Variants in CYB5D2 observed in about 807,000 individuals in gnomAD.
CYB5D2 encodes the protein cytochrome b5 domain containing 2, also known as neuferricin.
CYB5D2 carries 23 observed loss-of-function variants against 22.8 expected under a neutral mutation model. The ratio of observed to expected loss-of-function variants is 1.01; its 90% CI spans 0.73 to 1.43. The LOEUF (loss-of-function observed/expected upper bound fraction) is 1.43, where lower values mean the gene tolerates loss of function less well. CYB5D2 is among the 40% of genes most tolerant of loss of function. CYB5D2 has a pLI of 0.00. For missense variants in CYB5D2, 373 were observed against 357.2 expected, an observed-to-expected ratio of 1.04 and a Z score of -0.36; for synonymous variants, 170 against 152.2, an observed-to-expected ratio of 1.12 and a Z score of -0.86.
At chr17:4,149,674 C>T (rs566843776) in intron 1 of CYB5D2, among the ~76,000 whole-genome samples, 7 of 152,166 alleles carry the variant, frequency 4.6e-5, no homozygotes, top group Non-Finnish European at 5.9e-5. Flanking sequence ...TGGCGGGCGC[C>T]TGTAATCCCC....
chr17:4,150,134 G>A, intron 2 of CYB5D2, 103 bp downstream of exon 2: 2 of 1,429,818 alleles, frequency 1.4e-6, no homozygotes, highest in Non-Finnish European at 1.9e-6. Flanking sequence ...CTGAAAAACA[G>A]CCATGGATTT....
At chr17:4,150,081 T>TTTA in intron 2 of CYB5D2, 50 bp downstream of exon 2, 1 of 1,603,886 alleles carries the variant, frequency 6.2e-7, no homozygotes, top group East Asian at 2.2e-5. Flanking sequence ...GCAGTGTTTT[T>TTTA]AGGGGGCTGA....
chr17:4,143,886 C>G lies in CYB5D2; in HGVS notation c.131C>G (p.Ser44Cys). ...GFRLFIPEEL[S>C]RYRGGPGDPG... ...CGCCTTTTCATACCGGAGGAGCTGTCTCGCTACCGCGGCGGCCCAGGGGAC... is the reference window on the plus strand; with the variant it reads ...CGCCTTTTCATACCGGAGGAGCTGTGTCGCTACCGCGGCGGCCCAGGGGAC... The change falls in exon 1 of 4, where the codon TCT becomes TGT. Residue 44 changes from serine (S) to cysteine (C), a missense_variant. By Grantham distance (112) the Ser-to-Cys change is moderately radical (BLOSUM62 -1). Transcript: ENST00000301391. The G allele has an allele frequency of 3.1e-6, 5 of 1,614,066 alleles. No homozygotes were observed. Among genetic ancestry groups the G allele is most frequent in the Non-Finnish European group, 4.2e-6 (5 of 1,180,028 alleles).
chr17:4,144,729 C>A (rs1205980159), intron 1 of CYB5D2, among the ~76,000 whole-genome samples: 2 of 152,044 alleles, frequency 1.3e-5, no homozygotes, highest in Non-Finnish European at 1.5e-5. Context: ...TTAAAGGATG[C>A]GATTTGCCTG....
At chr17:4,153,247 C>T (rs1393040626) in intron 2 of CYB5D2, among the ~76,000 whole-genome samples, 4 of 152,012 alleles carry the variant, frequency 2.6e-5, no homozygotes, top group East Asian at 1.9e-4. Flanking sequence ...AGAAAATGAC[C>T]GTTAAGCTGA....
chr17:4,147,671 T>G (rs1264066393), intron 1 of CYB5D2, among the ~76,000 whole-genome samples: 5 of 152,138 alleles, frequency 3.3e-5, no homozygotes, highest in Non-Finnish European at 7.4e-5. Flanking sequence ...CTGACTAACA[T>G]GGAGAAACCC....
intron 2 of CYB5D2, among the ~76,000 whole-genome samples, chr17:4,152,958 A>G (rs2059073431): frequency 6.6e-6 from 1 of 152,050 alleles, no homozygotes; most frequent in Admixed American, 6.5e-5. Context: ...TTGTATTTTT[A>G]GTAGAGACAG....
intron 1 of CYB5D2, among the ~76,000 whole-genome samples, chr17:4,146,696 G>GT (rs141250163): frequency 0.21 from 31,290 of 148,826 alleles, 3,322 homozygotes; most frequent in Middle Eastern, 0.26. Flanking sequence ...GGCCCGGTGG[G>GT]TTTTTTTTTT....
chr17:4,144,080 C>A, intron 1 of CYB5D2, 75 bp downstream of exon 1: 1 of 1,507,742 alleles, frequency 6.6e-7, no homozygotes, highest in Non-Finnish European at 8.8e-7. Flanking sequence ...TTCGTTGGTT[C>A]ATTATTCATC....
intron 1 of CYB5D2, among the ~76,000 whole-genome samples, chr17:4,144,702 T>C (rs191784132): frequency 6.6e-6 from 1 of 152,306 alleles, no homozygotes; most frequent in East Asian, 1.9e-4. Flanking sequence ...GGTGTCCCTG[T>C]GTTACAGCTG....
chr17:4,144,229 C>G (rs1406207668), intron 1 of CYB5D2, among the ~76,000 whole-genome samples: 5 of 152,176 alleles, frequency 3.3e-5, no homozygotes, highest in African/African-American at 4.8e-5. Flanking sequence ...CCCTGCGTGA[C>G]TTACATTGGA....
intron 1 of CYB5D2, among the ~76,000 whole-genome samples, chr17:4,149,012 G>A (rs956532325): frequency 1.3e-5 from 2 of 151,644 alleles, no homozygotes; most frequent in African/African-American, 4.8e-5. Context: ...GAGTGCAGTG[G>A]CATGGTCATA....
At position 4,143,713 on chromosome 17, in the gene CYB5D2, G is replaced by C. The variant is rs746065059; in HGVS notation, c.-43G>C. 1.9e-6 allele frequency: 3 copies of C among 1,571,032 alleles called. No individual in the cohort carries two copies. In the African/African-American group the frequency reaches 4.1e-5, roughly 21 times the overall value. On this transcript the variant is annotated 5_prime_UTR_variant, in exon 1 of 4. Transcript: ENST00000301391. ...GTCTCGGCCATCTTAGCTGTAGATA[G>C]AGGCGGCAACCTCGGAAGTGCGGAG...
intron 2 of CYB5D2, among the ~76,000 whole-genome samples, chr17:4,151,480 G>C (rs2059056964): frequency 6.6e-6 from 1 of 152,098 alleles, no homozygotes; most frequent in Admixed American, 6.6e-5. Flanking sequence ...CTGAGGTCAG[G>C]AGTTCAAGAC....
chr17:4,147,160 A>G lies in CYB5D2; in HGVS notation c.251-2731A>G, dbSNP rs146217906. ...GTGGTCCATGCCCGTAGTCTCAGCT[A>G]CTTGGGAGTTGGAGACAGAAGAATC... On this transcript the variant is annotated intron_variant, in intron 1 of 3. Coordinates refer to ENST00000301391, the MANE Select transcript of CYB5D2 (RefSeq NM_144611.4). Among the ~76,000 whole-genome samples, 15 of 152,304 alleles carry G rather than the reference A, an allele frequency of 9.8e-5. No homozygotes were observed. In the East Asian group the frequency reaches 2.9e-3, roughly 29 times the overall value.
intron 1 of CYB5D2, among the ~76,000 whole-genome samples, chr17:4,146,189 G>A (rs1322884922): frequency 2.0e-5 from 3 of 152,010 alleles, no homozygotes; most frequent in Admixed American, 1.3e-4. Context: ...TCTGCCTCCC[G>A]GGTTCAATAT....
At chr17:4,155,805 CCT>C (rs1342434134) in intron 3 of CYB5D2, among the ~76,000 whole-genome samples, 1 of 152,206 alleles carries the variant, frequency 6.6e-6, no homozygotes, top group Non-Finnish European at 1.5e-5. Context: ...ACAGCCTTCC[CCT>C]GTGTCTCCTG....
At chr17:4,149,155 T>G (rs11652572) in intron 1 of CYB5D2, among the ~76,000 whole-genome samples, 2,059 of 152,216 alleles carry the variant, frequency 0.014, 18 homozygotes, top group Non-Finnish European at 0.021. Context: ...CTAAGTGTTG[T>G]TGGATATACA....
chr17:4,143,408 C>A lies in CYB5D2; in HGVS notation c.-348C>A. The A allele has an allele frequency of 5.1e-6, 1 of 196,006 alleles. No individual in the cohort carries two copies. The highest frequency in any genetic ancestry group is 1.1e-5 in the Non-Finnish European group (1 of 95,072). The allele number at this position is 196,006 out of a possible 1,614,324, so 12.1% of individuals were successfully genotyped here. ...GGACGTGGGGGCGCGTGCCTGTAAT[C>A]CCAGCTACTTGGGAGGCTGAGGCAG... On this transcript the variant is annotated 5_prime_UTR_variant, in exon 1 of 4. Coordinates refer to ENST00000301391, the MANE Select transcript of CYB5D2 (RefSeq NM_144611.4).
Sources: gnomAD v4.1 joint callset for allele counts (sites outside exome capture counted in the v4.1 genomes callset) on GRCh38, gnomAD v4.1.1 for gene constraint, MANE v1.5 for transcripts, NCBI Gene and HGNC (gene_info 2026-07-23, HGNC 2026-07-21) for gene names.